SLC43A2: variants seen among roughly 807,000 people sequenced by gnomAD.
SLC43A2 encodes solute carrier family 43 member 2.
In SLC43A2, 38 loss-of-function variants were observed where a neutral mutation model predicts 63.2. That is an observed-to-expected ratio of 0.60 (90% CI 0.46 to 0.79). The LOEUF is 0.79. Among genes scored for constraint, SLC43A2 ranks in the 30% least tolerant of loss-of-function variants. SLC43A2 has a pLI of 0.00. For synonymous variants in SLC43A2, 322 were observed against 331.0 expected, an observed-to-expected ratio of 0.97 and a Z score of 0.30; for missense variants, 644 against 756.2, an observed-to-expected ratio of 0.85 and a Z score of 1.74.
In SLC43A2 at chr17:1,589,024, G is replaced by A. The variant is rs555971317; in HGVS notation, c.1078+1778C>T. ...GACCCGGACCCTGCAGCTGCCTCTC[G>A]GCCGGAGCTAGGGCTATGGGTGTTG... On this transcript the variant is annotated intron_variant, in intron 9 of 13. Transcript: ENST00000301335. Among the ~76,000 whole-genome samples, 9 of 152,352 alleles carry A rather than the reference G, an allele frequency of 5.9e-5. No homozygotes were observed. In the East Asian group the frequency reaches 1.2e-3, roughly 20 times the overall value.
intron 2 of SLC43A2, among the ~76,000 whole-genome samples, chr17:1,617,459 C>T (rs1399657969): frequency 2.0e-5 from 3 of 152,000 alleles, no homozygotes; most frequent in Admixed American, 2.0e-4. Flanking sequence ...AGCACGATCT[C>T]GGCTCACTGC....
chr17:1,585,865 T>C, intron 10 of SLC43A2, 48 bp downstream of exon 10: 1 of 1,612,252 alleles, frequency 6.2e-7, no homozygotes, highest in Non-Finnish European at 8.5e-7. Context: ...GGGGTCTTTC[T>C]GCAGGGGCTG....
intron 11 of SLC43A2, among the ~76,000 whole-genome samples, chr17:1,582,223 G>C (rs2076030117): frequency 6.6e-6 from 1 of 152,090 alleles, no homozygotes; most frequent in African/African-American, 2.4e-5. Context: ...GGGATTACAG[G>C]AGTGTGCCAC....
Position 1,606,158 on chromosome 17 carries a change from G to A in SLC43A2, c.501+7037C>T, listed in dbSNP as rs751678516. 1.2e-4 allele frequency among the ~76,000 whole-genome samples: 18 copies of A among 151,544 alleles called. No homozygotes were observed. The highest frequency in any genetic ancestry group is 1.9e-4 in the African/African-American group (8 of 41,186). On this transcript the variant is annotated intron_variant, in intron 5 of 13. Transcript: ENST00000301335. This position sits in a 1 kb window ranked among gnomAD's most constrained non-coding sequence, Gnocchi z 4.7. ...CCTCCAGAGCTGGCCGGGGGCCACC[G>A]CGGGACCCTCTCCTGGACCCTCCAG...
intron 5 of SLC43A2, among the ~76,000 whole-genome samples, chr17:1,608,589 T>TC (rs1160257337): frequency 6.6e-6 from 1 of 152,162 alleles, no homozygotes; most frequent in African/African-American, 2.4e-5. Context: ...AGATTGGGTT[T>TC]CATCATGTTG....
intron 5 of SLC43A2, among the ~76,000 whole-genome samples, chr17:1,600,104 T>C (rs1218201399): frequency 7.0e-6 from 1 of 142,334 alleles, no homozygotes; most frequent in Non-Finnish European, 1.5e-5. Flanking sequence ...ATCTTTCTTT[T>C]TTTTTTTTAC....
chr17:1,620,509 A>G (rs1908052559), intron 2 of SLC43A2, among the ~76,000 whole-genome samples: 1 of 152,156 alleles, frequency 6.6e-6, no homozygotes, highest in Admixed American at 6.5e-5. Context: ...GACTACACAC[A>G]GGGGCAGGGA....
chr17:1,629,430 ATCCCGGACCCGG>A (rs1463192427), upstream of SLC43A2, among the ~76,000 whole-genome samples: 3 of 151,346 alleles, frequency 2.0e-5, no homozygotes, highest in African/African-American at 7.3e-5. Flanking sequence ...GGGGCCTGGG[ATCCCGGACCCGG>A]TCCAGCCGTG....
chr17:1,589,689 G>A (rs1904570707), intron 9 of SLC43A2, among the ~76,000 whole-genome samples: 1 of 152,038 alleles, frequency 6.6e-6, no homozygotes, highest in African/African-American at 2.4e-5. Context: ...GCGCAATCTC[G>A]GCTCACTGCA....
intron 13 of SLC43A2, among the ~76,000 whole-genome samples, 187 bp downstream of exon 13, chr17:1,576,410 A>G (rs150283580): frequency 2.3e-3 from 356 of 152,050 alleles, no homozygotes; most frequent in African/African-American, 8.1e-3. Context: ...TTTCTCCCCA[A>G]ATCAGGTCCA....
intron 10 of SLC43A2, among the ~76,000 whole-genome samples, chr17:1,584,639 C>G (rs1267325522): frequency 6.8e-6 from 1 of 146,564 alleles, no homozygotes; most frequent in African/African-American, 2.5e-5. Context: ...CTGTGAAACC[C>G]CTGTCTCTAC....
At chr17:1,622,527 T>C (rs973982418) in intron 2 of SLC43A2, among the ~76,000 whole-genome samples, 1 of 150,936 alleles carries the variant, frequency 6.6e-6, no homozygotes, top group Non-Finnish European at 1.5e-5. Context: ...ATCGCGCCAC[T>C]GCACTCCAGC....
At chr17:1,586,930 C>CCCCCCCCCCCCCCCCCA in intron 9 of SLC43A2, 1 of 783,192 alleles carries the variant, frequency 1.3e-6, no homozygotes, top group African/African-American at 1.7e-5. Flanking sequence ...CCTGACAATC[C>CCCCCCCCCCCCCCCCCA]CCCCCACCCC....
At chr17:1,601,465 C>T (rs999322618) in intron 5 of SLC43A2, among the ~76,000 whole-genome samples, 1 of 152,104 alleles carries the variant, frequency 6.6e-6, no homozygotes, top group Non-Finnish European at 1.5e-5. Flanking sequence ...AGCCGACAAC[C>T]CCGCTGGAAA....
intron 2 of SLC43A2, 24 bp downstream of exon 2, chr17:1,627,691 C>CA (rs2151086566): frequency 6.7e-7 from 1 of 1,498,252 alleles, no homozygotes; most frequent in Non-Finnish European, 8.9e-7. Flanking sequence ...AGGAGCCCCC[C>CA]GCAACCCCAG....
At chr17:1,615,773 G>A (rs915889277) in intron 3 of SLC43A2, among the ~76,000 whole-genome samples, 10 of 149,034 alleles carry the variant, frequency 6.7e-5, no homozygotes, top group Non-Finnish European at 1.5e-4. Flanking sequence ...AACCCGGGAG[G>A]CGGAGCTCGC....
chr17:1,576,073 CTTTTTTTT>C (rs56013428), intron 13 of SLC43A2, among the ~76,000 whole-genome samples: 3 of 81,526 alleles, frequency 3.7e-5, no homozygotes, highest in South Asian at 8.7e-4. Context: ...GAACTGTGTT[CTTTTTTTT>C]TTTTTTTTTT....
intron 2 of SLC43A2, among the ~76,000 whole-genome samples, chr17:1,617,397 C>CT (rs941090181): frequency 1.2e-3 from 183 of 147,670 alleles, no homozygotes; most frequent in Middle Eastern, 7.0e-3. Context: ...TTTTCTTTTT[C>CT]TTTTTTTTTT....
intron 3 of SLC43A2, chr17:1,616,257 G>T (rs142258579): frequency 2.2e-4 from 84 of 374,690 alleles, no homozygotes; most frequent in African/African-American, 1.7e-3. Flanking sequence ...CACATGCGAG[G>T]GAAACCCCAA....
Sources: gnomAD v4.1 joint callset for allele counts (sites outside exome capture counted in the v4.1 genomes callset) on GRCh38, gnomAD v4.1.1 for gene constraint, Gnocchi (gnomAD v3.1) non-coding constraint, MANE v1.5 for transcripts, NCBI Gene and HGNC (gene_info 2026-07-23, HGNC 2026-07-21) for gene names.